ABCA13: variants seen among roughly 807,000 people sequenced by gnomAD.
The protein encoded by ABCA13 is ATP binding cassette subfamily A member 13, also known as ATP-binding cassette sub-family A member 13.
Under a neutral mutation model 478.7 loss-of-function variants are expected in ABCA13, and 476 were observed. That is an observed-to-expected ratio of 0.99 (90% CI 0.92 to 1.07). The LOEUF is 1.07. ABCA13 is among the 50% of genes least tolerant of loss of function. The pLI, the probability that ABCA13 is intolerant of heterozygous loss-of-function variation, is 0.00. For synonymous variants in ABCA13, 2,252 were observed against 2,158.9 expected (o/e 1.04, Z -1.20); for missense variants, 6,060 against 5,910.6 (o/e 1.03, Z -0.83).
intron 35 of ABCA13, among the ~76,000 whole-genome samples, chr7:48,377,763 T>TA (rs1230727899): frequency 6.6e-6 from 1 of 152,114 alleles, no homozygotes; most frequent in Non-Finnish European, 1.5e-5. Flanking sequence ...AAATAAAGGA[T>TA]AAAACAAATG....
At position 48,329,016 on chromosome 7, in the gene ABCA13, G is replaced by A. The variant is rs369954514; in HGVS notation, c.10000-6406G>A. Among the ~76,000 whole-genome samples the A allele has an allele frequency of 1.6e-3, 240 of 152,292 alleles. 1 individual carries two copies. The highest frequency in any genetic ancestry group is 5.5e-3 in the African/African-American group (228 of 41,576). Reference sequence around the variant, plus strand: ...ACAGCTATTCGCACATGCAAACAAGGATATTTATTGTGCCATTGTTTGTAA... The same window carrying A: ...ACAGCTATTCGCACATGCAAACAAGAATATTTATTGTGCCATTGTTTGTAA... On this transcript the variant is annotated intron_variant, in intron 27 of 61. Transcript: ENST00000435803.
At chr7:48,571,227 C>T (rs1462714424) in intron 55 of ABCA13, among the ~76,000 whole-genome samples, 1 of 152,134 alleles carries the variant, frequency 6.6e-6, no homozygotes, top group African/African-American at 2.4e-5. Context: ...GAAACACGTA[C>T]ATTTATCTTG....
At chr7:48,477,244 G>A (rs1174724548) in intron 45 of ABCA13, among the ~76,000 whole-genome samples, 1 of 152,084 alleles carries the variant, frequency 6.6e-6, no homozygotes, top group Non-Finnish European at 1.5e-5. Flanking sequence ...GAAACAACAG[G>A]TGCTGGAGAG....
chr7:48,319,972 A>AC (rs1803197119), intron 27 of ABCA13, among the ~76,000 whole-genome samples: 1 of 152,096 alleles, frequency 6.6e-6, no homozygotes, highest in South Asian at 2.1e-4. Flanking sequence ...TGTACCCCTC[A>AC]CACCCATCCA....
intron 55 of ABCA13, among the ~76,000 whole-genome samples, chr7:48,555,481 T>C (rs186250082): frequency 6.6e-6 from 1 of 152,024 alleles, no homozygotes; most frequent in East Asian, 1.9e-4. Flanking sequence ...TGCTGGGATA[T>C]TTTATTATGG....
In ABCA13 at chr7:48,268,975, T is replaced by G. The variant is rs1398241238; in HGVS notation, c.2006-5T>G. 6.7e-7 allele frequency: 1 copy of G among 1,488,238 alleles called. No individual in the cohort carries two copies. The highest frequency in any genetic ancestry group is 2.3e-5 in the East Asian group (1 of 43,960). The allele number at this position is 1,488,238 out of a possible 1,614,324, so 92.2% of individuals were successfully genotyped here. A position where few individuals can be genotyped will look rare whatever the true frequency, so the allele number is the denominator to read the frequency against. On this transcript the variant is annotated splice_region_variant and splice_polypyrimidine_tract_variant and intron_variant, in intron 15 of 61. Coordinates refer to ENST00000435803, the MANE Select transcript of ABCA13 (RefSeq NM_152701.5). ...AATTAATGTAGAAAATGTCTTTTTA[T>G]TTAGCTTTTCCTGAGGAATCTCCTT...
intron 59 of ABCA13, among the ~76,000 whole-genome samples, chr7:48,633,931 C>G (rs62447356): frequency 1.4e-5 from 2 of 144,890 alleles, no homozygotes; most frequent in African/African-American, 2.6e-5. Flanking sequence ...TAGATAGATA[C>G]ATAGATAGAT....
At chr7:48,363,717 A>G (rs910488481) in intron 31 of ABCA13, among the ~76,000 whole-genome samples, 6 of 151,616 alleles carry the variant, frequency 4.0e-5, no homozygotes, top group Admixed American at 2.0e-4. Flanking sequence ...GTTTCTTCCA[A>G]TTTTATTCTC....
chr7:48,329,658 C>G (rs570557547), intron 27 of ABCA13, among the ~76,000 whole-genome samples: 3 of 151,710 alleles, frequency 2.0e-5, no homozygotes, highest in South Asian at 4.2e-4. Context: ...TCTACTCTTG[C>G]ATCCATCTAT....
In ABCA13 at chr7:48,481,166, A is replaced by T; in HGVS notation, c.13094+12A>T. ...TCTGAAAAACCAAGGTGTGTTCAAT[A>T]CTCTTGTTGGGTCTTTACTTGTTTG... is the stretch of plus-strand genomic sequence containing the variant. On this transcript the variant is annotated intron_variant, in intron 46 of 61. Transcript: ENST00000435803. 1 of 1,534,656 alleles carries T rather than the reference A, an allele frequency of 6.5e-7. No individual in the cohort carries two copies. Among genetic ancestry groups the T allele is most frequent in the Non-Finnish European group, 8.9e-7 (1 of 1,125,514 alleles).
At chr7:48,420,630 A>T (rs924412228) in intron 41 of ABCA13, among the ~76,000 whole-genome samples, 1 of 152,088 alleles carries the variant, frequency 6.6e-6, no homozygotes, top group East Asian at 1.9e-4. Flanking sequence ...TACCTTTGCC[A>T]AGGAGGTTCT....
At chr7:48,433,584 G>A (rs891522494) in intron 42 of ABCA13, among the ~76,000 whole-genome samples, 6 of 151,240 alleles carry the variant, frequency 4.0e-5, no homozygotes, top group South Asian at 2.1e-4. Flanking sequence ...GTGGCATTAC[G>A]CACATTCACA....
At chr7:48,411,049 T>TTCTTTC (rs1554499830) in intron 40 of ABCA13, among the ~76,000 whole-genome samples, 4 of 64,934 alleles carry the variant, frequency 6.2e-5, no homozygotes, top group Non-Finnish European at 1.1e-4. Flanking sequence ...CTTTCTTTCT[T>TTCTTTC]TTTCTTTCTT....
At chr7:48,398,957 C>T (rs1817227235) in intron 38 of ABCA13, among the ~76,000 whole-genome samples, 2 of 151,960 alleles carry the variant, frequency 1.3e-5, no homozygotes, top group South Asian at 4.2e-4. Context: ...GTGATCAGAC[C>T]GTAAATGCTG....
rs747295067 is a variant in ABCA13, at chr7:48,322,250, G to A, written c.9999+4954G>A. ...CCTGGTGATCCTCTGTCTGGAAGCC[G>A]CCTGCAGAGGAGGGACTCTGATAGT... On this transcript the variant is annotated intron_variant, in intron 27 of 61. Coordinates refer to ENST00000435803, the MANE Select transcript of ABCA13 (RefSeq NM_152701.5). Among the ~76,000 whole-genome samples, 6 of 152,214 alleles carry A rather than the reference G, an allele frequency of 3.9e-5. 1 individual carries two copies. The highest frequency in any genetic ancestry group is 9.6e-5 in the African/African-American group (4 of 41,468).
intron 43 of ABCA13, among the ~76,000 whole-genome samples, chr7:48,464,687 A>G (rs576436377): frequency 6.6e-6 from 1 of 152,308 alleles, no homozygotes; most frequent in East Asian, 1.9e-4. Context: ...TTGGATGGAG[A>G]TTAAGGATGA....
intron 55 of ABCA13, among the ~76,000 whole-genome samples, chr7:48,562,959 TATATATATATATATGTCTGTGTATCTAC>T (rs1190958850): frequency 2.1e-5 from 1 of 48,284 alleles, no homozygotes; most frequent in East Asian, 7.0e-4. Context: ...TGTATGTGTG[TATATATATATATATGTCTGTGTATCTAC>T]ATATATATAT....
At chr7:48,233,941 A>AT (rs142442445) in intron 7 of ABCA13, 77 bp from the exon 8 acceptor site, 93 of 1,523,020 alleles carry the variant, frequency 6.1e-5, no homozygotes, top group Admixed American at 1.8e-4. Flanking sequence ...GAAAAAAGGT[A>AT]TTTTTTTTCT....
chr7:48,545,312 T>C (rs1352493230), intron 55 of ABCA13, among the ~76,000 whole-genome samples: 1 of 151,724 alleles, frequency 6.6e-6, no homozygotes, highest in Non-Finnish European at 1.5e-5. Context: ...AAACATTAAT[T>C]TCTGTCTAGG....
Sources: gnomAD v4.1 joint callset for allele counts (sites outside exome capture counted in the v4.1 genomes callset) on GRCh38, gnomAD v4.1.1 for gene constraint, MANE v1.5 for transcripts, NCBI Gene and HGNC (gene_info 2026-07-23, HGNC 2026-07-21) for gene names.